Variants in MYO10 observed in about 807,000 individuals in gnomAD.
MYO10 encodes unconventional myosin-X.
In MYO10, 133 loss-of-function variants were observed where a neutral mutation model predicts 257.3. The ratio of observed to expected loss-of-function variants is 0.52; its 90% CI spans 0.45 to 0.60. The LOEUF is 0.60. Ranked by LOEUF, MYO10 falls within the 20% of genes least tolerant of loss-of-function variation. MYO10 has a pLI of 0.00. For synonymous variants in MYO10, 1,104 were observed against 1,028.6 expected, an observed-to-expected ratio of 1.07 and a Z score of -1.40; for missense variants, 2,399 against 2,635.7, an observed-to-expected ratio of 0.91 and a Z score of 1.97.
At chr5:16,924,287 G>C (rs777294983) in intron 1 of MYO10, among the ~76,000 whole-genome samples, 7 of 152,096 alleles carry the variant, frequency 4.6e-5, no homozygotes, top group Non-Finnish European at 7.3e-5. Flanking sequence ...CCTTCTCCTG[G>C]TTCACAGAAG....
chr5:16,705,212 A>G (rs1040149496), intron 21 of MYO10, among the ~76,000 whole-genome samples: 7 of 152,250 alleles, frequency 4.6e-5, no homozygotes, highest in African/African-American at 1.4e-4. Flanking sequence ...CTTGGCTTCA[A>G]AAACTTAAAT....
intron 5 of MYO10, among the ~76,000 whole-genome samples, chr5:16,782,202 G>T (rs1193081865): frequency 6.6e-6 from 1 of 152,162 alleles, no homozygotes; most frequent in African/African-American, 2.4e-5. Context: ...CCTATTTGTT[G>T]TATGTCCCGG....
intron 9 of MYO10, among the ~76,000 whole-genome samples, chr5:16,777,837 A>T (rs993785492): frequency 9.7e-6 from 1 of 103,342 alleles, no homozygotes; most frequent in African/African-American, 4.7e-5. Flanking sequence ...CATTGCATCT[A>T]ACTTTTTTTT....
chr5:16,859,221 T>C (rs1408637990), intron 2 of MYO10, among the ~76,000 whole-genome samples: 8 of 152,236 alleles, frequency 5.3e-5, no homozygotes, highest in African/African-American at 1.7e-4. Flanking sequence ...CTCCTGGTTC[T>C]AGAGGCTGGG....
chr5:16,930,999 T>C (rs946031152), intron 1 of MYO10, among the ~76,000 whole-genome samples: 2 of 152,170 alleles, frequency 1.3e-5, no homozygotes, highest in African/African-American at 2.4e-5. Flanking sequence ...CGGCTGGGCA[T>C]GGTGGCTCAT....
At position 16,811,797 on chromosome 5, in the gene MYO10, C is replaced by T. The variant is rs546492553; in HGVS notation, c.279+6212G>A. On this transcript the variant is annotated intron_variant, in intron 3 of 40. Transcript: ENST00000513610. ...AACTCATGGGCTCAAGCGATCCTCC[C>T]GCCTCAGCCTCCCAAAGAGCTGGGA... Among the ~76,000 whole-genome samples, 75 of 152,280 alleles carry T rather than the reference C, an allele frequency of 4.9e-4. 3 individuals are homozygous for T. The South Asian group carries it at 0.014, about 29-fold the overall frequency.
chr5:16,823,467 G>GGGGGGGTTGTTTT (rs1561003861), intron 2 of MYO10, among the ~76,000 whole-genome samples: 1 of 3,978 alleles, frequency 2.5e-4, no homozygotes, highest in African/African-American at 9.8e-4. Flanking sequence ...GGGGAGTGGG[G>GGGGGGGTTGTTTT]ATTTTTTTTT....
chr5:16,880,218 G>A (rs1023794077), intron 1 of MYO10, among the ~76,000 whole-genome samples: 16 of 149,526 alleles, frequency 1.1e-4, no homozygotes, highest in African/African-American at 4.0e-4. Context: ...CACAAGCCAG[G>A]ACCTCAAATG....
At chr5:16,844,320 A>G (rs1006896742) in intron 2 of MYO10, among the ~76,000 whole-genome samples, 2 of 152,178 alleles carry the variant, frequency 1.3e-5, no homozygotes, top group Non-Finnish European at 2.9e-5. Flanking sequence ...ATATTTCACT[A>G]TCAGGTCCAC....
intron 9 of MYO10, among the ~76,000 whole-genome samples, chr5:16,772,612 G>GT (rs1741088471): frequency 2.6e-5 from 4 of 152,336 alleles, no homozygotes; most frequent in South Asian, 4.1e-4. Flanking sequence ...AGGGTTAACT[G>GT]TGAGTTAACA....
intron 1 of MYO10, 116 bp downstream of exon 1, chr5:16,935,672 C>A (rs1257764709): frequency 3.2e-6 from 4 of 1,238,488 alleles, no homozygotes; most frequent in Middle Eastern, 1.9e-4. Flanking sequence ...TCAGGAGACT[C>A]CCAGAAAGTT....
At chr5:16,669,245 ACT>A (rs1296491726) in intron 39 of MYO10, among the ~76,000 whole-genome samples, 1 of 150,304 alleles carries the variant, frequency 6.7e-6, no homozygotes, top group African/African-American at 2.5e-5. Flanking sequence ...ACGGAGTCTC[ACT>A]CTGTCGCCCA....
chr5:16,816,878 G>A (rs1380947699), intron 3 of MYO10, among the ~76,000 whole-genome samples: 1 of 149,242 alleles, frequency 6.7e-6, no homozygotes, highest in Non-Finnish European at 1.5e-5. Flanking sequence ...GGAGTGCAGT[G>A]GCGCGATCTT....
At chr5:16,781,213 G>A (rs1489204852) in intron 6 of MYO10, among the ~76,000 whole-genome samples, 1 of 151,864 alleles carries the variant, frequency 6.6e-6, no homozygotes, top group Admixed American at 6.6e-5. Flanking sequence ...CCAAGTAGCT[G>A]GGAATACAGG....
intron 3 of MYO10, among the ~76,000 whole-genome samples, chr5:16,797,231 G>A (rs962374851): frequency 1.3e-5 from 2 of 152,118 alleles, no homozygotes; most frequent in Non-Finnish European, 2.9e-5. Context: ...ATGCTGAAAA[G>A]AAATGTTCAT....
intron 27 of MYO10, among the ~76,000 whole-genome samples, chr5:16,693,686 C>T (rs1737608271): frequency 6.6e-6 from 1 of 152,228 alleles, no homozygotes; most frequent in Non-Finnish European, 1.5e-5. Context: ...AGTACGGCTA[C>T]AGGTTATCCC....
rs1310077578 is a variant in MYO10 at position 16,761,677 on chromosome 5, G to T, written c.1657-131C>A. ...ATTTATTTATTTTTTAAGAGACAGGGTCTTGCTCTATTTCCCAGGCTGAAG... is the reference window on the plus strand; with the variant it reads ...ATTTATTTATTTTTTAAGAGACAGGTTCTTGCTCTATTTCCCAGGCTGAAG... On this transcript the variant is annotated intron_variant, in intron 16 of 40. Transcript: ENST00000513610. The T allele has an allele frequency of 1.2e-5, 9 of 724,520 alleles. No individual in the cohort carries two copies. In the Admixed American group the frequency reaches 1.6e-4, roughly 13 times the overall value. The allele number at this position is 724,520 out of a possible 1,614,324, so 44.9% of individuals were successfully genotyped here.
chr5:16,800,606 C>T (rs1742093223), intron 3 of MYO10, among the ~76,000 whole-genome samples: 1 of 152,074 alleles, frequency 6.6e-6, no homozygotes, highest in Non-Finnish European at 1.5e-5. Flanking sequence ...AAAGCGATGC[C>T]CACAGCAAGT....
chr5:16,727,161 AT>A (rs1739401242), intron 19 of MYO10, among the ~76,000 whole-genome samples: 2 of 152,330 alleles, frequency 1.3e-5, no homozygotes, highest in Admixed American at 6.5e-5. Context: ...AGTAAAAAAA[AT>A]ATGTTGTTAA....
Sources: gnomAD v4.1 joint callset for allele counts (sites outside exome capture counted in the v4.1 genomes callset) on GRCh38, gnomAD v4.1.1 for gene constraint, MANE v1.5 for transcripts, NCBI Gene and HGNC (gene_info 2026-07-23, HGNC 2026-07-21) for gene names.